The following IL4I1 variants were observed in gnomAD, a reference collection of about 807,000 sequenced individuals.
IL4I1 encodes interleukin 4 induced 1.
A neutral mutation model predicts 29.7 loss-of-function variants in IL4I1; 24 were observed. The observed-to-expected ratio is 0.81, with a 90% CI of 0.59 to 1.14. The LOEUF (loss-of-function observed/expected upper bound fraction) is 1.14. Ranked by LOEUF, IL4I1 falls within the 50% of genes most tolerant of loss-of-function variation. The pLI is 0.00. For missense variants in IL4I1, 686 were observed against 785.6 expected (o/e 0.87, Z 1.52); for synonymous variants, 371 against 352.5 (o/e 1.05, Z -0.59).
At chr19:49,923,420 C>T (rs1015847127) in intron 2 of IL4I1, among the ~76,000 whole-genome samples, 8 of 152,168 alleles carry the variant, frequency 5.3e-5, no homozygotes, top group South Asian at 2.1e-4. Context: ...TTGTGGGGAA[C>T]GTTTCTGGGA....
intron 2 of IL4I1, among the ~76,000 whole-genome samples, chr19:49,905,037 G>A (rs570046691): frequency 1.7e-3 from 255 of 152,062 alleles, no homozygotes; most frequent in African/African-American, 5.7e-3. Context: ...TAGAAGATAC[G>A]GGGTTTCACC....
At chr19:49,925,009 A>C (rs1209395389) in intron 2 of IL4I1, among the ~76,000 whole-genome samples, 4 of 152,158 alleles carry the variant, frequency 2.6e-5, no homozygotes, top group African/African-American at 4.8e-5. Flanking sequence ...CGCCTGTAAT[A>C]CCAGCACTTT....
chr19:49,889,818 CCCTCGGGGCTGGCCGTGT>C lies in IL4I1; in HGVS notation c.1538_1555del (p.Asp513_Glu518del). The C allele has an allele frequency of 1.9e-6, 3 of 1,553,332 alleles. No individual in the cohort carries two copies. The highest frequency in any genetic ancestry group is 2.6e-6 in the Non-Finnish European group (3 of 1,149,268). On this transcript the variant is annotated inframe_deletion, in exon 8 of 8. Coordinates refer to ENST00000391826, the MANE Select transcript of IL4I1 (RefSeq NM_152899.2). ...CTGCCCCTCCATGTCAGATGCGTGC[CCCTCGGGGCTGGCCGTGT>C]CCGATGCAGGCCCCTTCCGGCTGTT...
At chr19:49,909,608 G>A (rs1198817255) in intron 2 of IL4I1, 12 of 1,613,400 alleles carry the variant, frequency 7.4e-6, no homozygotes, top group East Asian at 4.5e-5. Context: ...CTGTGTGGCC[G>A]GAGTCTGGGT....
At chr19:49,903,491 G>T (rs187457639) in intron 3 of IL4I1, among the ~76,000 whole-genome samples, 1 of 152,198 alleles carries the variant, frequency 6.6e-6, no homozygotes, top group East Asian at 1.9e-4. Flanking sequence ...AAACCTGGCT[G>T]GGGGGCTGGC....
intron 2 of IL4I1, among the ~76,000 whole-genome samples, chr19:49,918,130 A>T (rs991849153): frequency 1.3e-5 from 2 of 151,758 alleles, no homozygotes; most frequent in African/African-American, 4.8e-5. Flanking sequence ...GCAGTGGTAT[A>T]ATCACAGCTC....
intron 2 of IL4I1, among the ~76,000 whole-genome samples, chr19:49,905,645 G>A (rs561919845): frequency 6.6e-6 from 1 of 152,176 alleles, no homozygotes; most frequent in African/African-American, 2.4e-5. Context: ...TGCCTAGGCT[G>A]GAGTGCAATG....
chr19:49,896,803 C>T, intron 1 of IL4I1, 32 bp downstream of exon 1: 1 of 985,700 alleles, frequency 1.0e-6, no homozygotes, highest in Non-Finnish European at 1.2e-6. Flanking sequence ...GGTCCTGTCT[C>T]TCTGTCCCCC....
chr19:49,896,715 T>G, intron 1 of IL4I1, 120 bp downstream of exon 1: 44 of 564,202 alleles, frequency 7.8e-5, no homozygotes, highest in Non-Finnish European at 9.0e-5. Flanking sequence ...ATTCCAGGCA[T>G]GAGCCCCCGC....
At position 49,918,940 on chromosome 19, in the gene IL4I1, G is replaced by A. The variant is rs560801549; in HGVS notation, c.-228+8754C>T. ...GTGGGGGGGCGGATCACCTGAGGTC[G>A]GGAGTTTGAGACCAGCCTGACCAAC... On this transcript the variant is annotated intron_variant, in intron 2 of 9. Coordinates refer to the IL4I1 transcript ENST00000341114. Among the ~76,000 whole-genome samples the A allele has an allele frequency of 1.9e-3, 290 of 150,968 alleles. 4 individuals are homozygous for A. The highest frequency in any genetic ancestry group is 0.017 in the Middle Eastern group (5 of 292).
intron 5 of IL4I1, among the ~76,000 whole-genome samples, chr19:49,892,006 C>T (rs1163965321): frequency 1.3e-5 from 2 of 152,064 alleles, no homozygotes; most frequent in Admixed American, 6.5e-5. Context: ...CCTGTAGCTC[C>T]CCAGTGCCTG....
At chr19:49,927,304 G>T (rs2075921468) in intron 2 of IL4I1, among the ~76,000 whole-genome samples, 1 of 152,090 alleles carries the variant, frequency 6.6e-6, no homozygotes, top group African/African-American at 2.4e-5. Context: ...TCTATGCCAG[G>T]TATGTATAAA....
At chr19:49,924,764 T>TA (rs1364859599) in intron 2 of IL4I1, among the ~76,000 whole-genome samples, 9 of 152,124 alleles carry the variant, frequency 5.9e-5, no homozygotes, top group African/African-American at 2.2e-4. Flanking sequence ...GCTGGAGAGC[T>TA]AAGGGTGCCA....
chr19:49,897,804 A>C (rs2075230900), upstream of IL4I1, among the ~76,000 whole-genome samples: 1 of 149,696 alleles, frequency 6.7e-6, no homozygotes, highest in Non-Finnish European at 1.5e-5. Context: ...AACCAGAGGG[A>C]GGCAGATTCT....
upstream of IL4I1, chr19:49,901,863 T>A: frequency 2.0e-6 from 1 of 509,912 alleles, no homozygotes; most frequent in African/African-American, 2.0e-5. Flanking sequence ...TGTTTTATTA[T>A]GGAAACTTTC....
At chr19:49,895,747 C>T in intron 3 of IL4I1, 68 bp downstream of exon 3, 1 of 868,210 alleles carries the variant, frequency 1.2e-6, no homozygotes, top group Non-Finnish European at 1.8e-6. Flanking sequence ...GCGGCCGTGT[C>T]CCTGTGCCCA....
At chr19:49,913,585 C>T (rs1222203933) in intron 2 of IL4I1, among the ~76,000 whole-genome samples, 1 of 152,282 alleles carries the variant, frequency 6.6e-6, no homozygotes, top group Non-Finnish European at 1.5e-5. Flanking sequence ...GAACTGAGCA[C>T]TGTCCGCGGG....
At chr19:49,893,546 G>A (rs2075165451) in intron 5 of IL4I1, among the ~76,000 whole-genome samples, 1 of 152,064 alleles carries the variant, frequency 6.6e-6, no homozygotes, top group African/African-American at 2.4e-5. Context: ...CAGGGTCTCG[G>A]GAGGCAGATG....
At chr19:49,918,925 G>A (rs542656390) in intron 2 of IL4I1, among the ~76,000 whole-genome samples, 37 of 150,598 alleles carry the variant, frequency 2.5e-4, no homozygotes, top group African/African-American at 8.6e-4. Context: ...GTGGGGGGGC[G>A]GATCACCTGA....
Sources: allele counts gnomAD v4.1 joint callset (sites outside exome capture counted in the v4.1 genomes callset), GRCh38; gene constraint gnomAD v4.1.1; transcripts MANE v1.5; gene names NCBI Gene and HGNC (gene_info 2026-07-23, HGNC 2026-07-21).